FERMT3: variants seen among roughly 807,000 people sequenced by gnomAD.
FERMT3 encodes the protein FERM domain containing kindlin 3.
FERMT3 carries 33 observed loss-of-function variants against 80.8 expected under a neutral mutation model. That is an observed-to-expected ratio of 0.41 (90% CI 0.31 to 0.55). The LOEUF is 0.55. Ranked by LOEUF, FERMT3 falls within the 20% of genes least tolerant of loss-of-function variation. The pLI, the probability that FERMT3 is intolerant of heterozygous loss-of-function variation, is 0.31. For missense variants in FERMT3, 754 were observed against 908.7 expected, an observed-to-expected ratio of 0.83 and a Z score of 2.19; for synonymous variants, 375 against 372.2, an observed-to-expected ratio of 1.01 and a Z score of -0.09.
At chr11:64,208,751 G>C (rs1417879264) in intron 2 of FERMT3, among the ~76,000 whole-genome samples, 2 of 152,212 alleles carry the variant, frequency 1.3e-5, no homozygotes, top group Non-Finnish European at 2.9e-5. Flanking sequence ...GGGACTCGGA[G>C]GGCTGTGAAT....
chr11:64,211,389 T>A lies in FERMT3; in HGVS notation c.629T>A (p.Leu210His), dbSNP rs147374831. The change falls in exon 5 of 15, where the codon CTC becomes CAC. Residue 210 changes from leucine to histidine, a missense_variant. Transcript: ENST00000345728. The surrounding 1 kb of genome is among the most constrained non-coding windows in gnomAD (Gnocchi z 4.7). ...RPQPPPDPLLLQRLPRPSSLS... is the reference protein window; with the variant it reads ...RPQPPPDPLLHQRLPRPSSLS... The stretch of plus-strand genomic sequence containing the variant: ...CAGCCGCCACCCGACCCCCTCCTGC[T>A]CCAGCGTCTGCCACGGCCCAGCTCC... The A allele has an allele frequency of 6.8e-6, 11 of 1,606,870 alleles. No homozygotes were observed. Among genetic ancestry groups the A allele is most frequent in the African/African-American group, 6.7e-5 (5 of 74,538 alleles).
At position 64,211,423 on chromosome 11, in the gene FERMT3, C is replaced by G. The variant is rs773060328; in HGVS notation, c.663C>G (p.Asp221Glu). ...TGCCACGGCCCAGCTCCCTGTCAGA[C>G]AAGACCCAGCTCCACAGCAGGTGCA... ...QRLPRPSSLS[D>E]KTQLHSRWLD... The change falls in exon 5 of 15, where the codon GAC (aspartate) becomes GAG (glutamate). Residue 221 changes from aspartate to glutamate, a missense_variant. Transcript: ENST00000345728. The surrounding 1 kb of genome is among the most constrained non-coding windows in gnomAD (Gnocchi z 4.7). 10 of 1,597,860 alleles carry G rather than the reference C, an allele frequency of 6.3e-6. No individual in the cohort carries two copies. In the Admixed American group the frequency reaches 1.5e-4, roughly 25 times the overall value.
chr11:64,207,177 C>T (rs1314728149), intron 1 of FERMT3, among the ~76,000 whole-genome samples, 174 bp from the exon 2 acceptor site: 4 of 152,190 alleles, frequency 2.6e-5, no homozygotes, highest in African/African-American at 9.7e-5. Context: ...CAAGCGCCAG[C>T]GCTGGAGAGA....
chr11:64,223,496 C>T lies in FERMT3; in HGVS notation c.*4C>T, dbSNP rs377626216. 36 of 1,602,702 alleles carry T rather than the reference C, an allele frequency of 2.2e-5. No homozygotes were observed. The African/African-American group carries it at 3.0e-4, about 13-fold the overall frequency. On this transcript the variant is annotated 3_prime_UTR_variant, in exon 15 of 15. Transcript: ENST00000345728. ...CGGGGGCCATGAGGCCTTCTGAGGGCTGTCTGATTGCCCCTGCCCTGCTCA... is the reference window on the plus strand; with the variant it reads ...CGGGGGCCATGAGGCCTTCTGAGGGTTGTCTGATTGCCCCTGCCCTGCTCA...
Position 64,218,360 on chromosome 11 carries a change from A to G in FERMT3, c.787-891A>G, listed in dbSNP as rs547967713. Among the ~76,000 whole-genome samples the G allele has an allele frequency of 1.2e-4, 18 of 151,378 alleles. 1 individual carries two copies. In the South Asian group the frequency reaches 2.1e-3, roughly 18 times the overall value. ...ACTCTATCCCCCAAGCTGGAGTGCA[A>G]TGGTGCAATTACAGCTCACTGCACC... On this transcript the variant is annotated intron_variant, in intron 6 of 14. Coordinates refer to ENST00000345728, the MANE Select transcript of FERMT3 (RefSeq NM_031471.6).
At chr11:64,207,113 G>C (rs751658162) in intron 1 of FERMT3, among the ~76,000 whole-genome samples, 1 of 152,222 alleles carries the variant, frequency 6.6e-6, no homozygotes, top group Non-Finnish European at 1.5e-5. Flanking sequence ...CAGTCTGCCC[G>C]CCTGTAGGAT....
chr11:64,215,820 T>G (rs1326998365), intron 6 of FERMT3, among the ~76,000 whole-genome samples: 1 of 151,518 alleles, frequency 6.6e-6, no homozygotes, highest in Non-Finnish European at 1.5e-5. Context: ...TTCGGCTTCC[T>G]GAGAAGTTGG....
Position 64,220,230 on chromosome 11 carries a change from G to A in FERMT3, c.1215G>A (p.Val405=), listed in dbSNP as rs1946648714. 2 of 1,613,892 alleles carry A rather than the reference G, an allele frequency of 1.2e-6. No homozygotes were observed. Among genetic ancestry groups the A allele is most frequent in the East Asian group, 4.5e-5 (2 of 44,880 alleles). The change falls in exon 11 of 15, where the codon GTG becomes GTA. Residue 405 remains valine, a synonymous_variant. Transcript: ENST00000345728. ...IQQLNLKGCE[V]VPDVNVSGQK... is the part of the protein sequence containing the mutation. ...CTTCTCTCCCTCCAGGCTGTGAGGT[G>A]GTTCCCGATGTTAACGTCTCCGGCC...
chr11:64,210,835 C>T lies in FERMT3; in HGVS notation c.385C>T (p.Arg129Cys), dbSNP rs1325261167. ...PLFQAVAAIC[R>C]LLSIRHPEEL... Reference sequence around the variant, plus strand: ...CTTCCAGGCTGTGGCTGCCATCTGCCGCCTCCTCAGTAAGTTGCCCGGCTG... The same window carrying T: ...CTTCCAGGCTGTGGCTGCCATCTGCTGCCTCCTCAGTAAGTTGCCCGGCTG... The change falls in exon 3 of 15, where the codon CGC (arginine) becomes TGC (cysteine). Residue 129 changes from arginine (R) to cysteine (C), a missense_variant. Physicochemically the swap from Arg to Cys is radical, Grantham distance 180. Coordinates refer to ENST00000345728, the MANE Select transcript of FERMT3 (RefSeq NM_031471.6). The surrounding 1 kb of genome is among the most constrained non-coding windows in gnomAD (Gnocchi z 4.3). The T allele has an allele frequency of 1.9e-6, 3 of 1,612,008 alleles. No homozygotes were observed. The highest frequency in any genetic ancestry group is 1.7e-5 in the Admixed American group (1 of 59,998).
At chr11:64,208,608 G>A (rs972590627) in intron 2 of FERMT3, among the ~76,000 whole-genome samples, 6 of 152,232 alleles carry the variant, frequency 3.9e-5, no homozygotes, top group South Asian at 2.1e-4. Flanking sequence ...GCTGCGTGCC[G>A]GCTGCCGCAC....
chr11:64,208,259 C>G (rs569802146), intron 2 of FERMT3, among the ~76,000 whole-genome samples: 2 of 152,148 alleles, frequency 1.3e-5, no homozygotes, highest in African/African-American at 2.4e-5. Context: ...CAGAACGGCC[C>G]GGCCACAAGA....
intron 6 of FERMT3, among the ~76,000 whole-genome samples, chr11:64,212,217 C>G (rs1032239132): frequency 5.3e-5 from 8 of 152,334 alleles, no homozygotes; most frequent in African/African-American, 1.2e-4. Context: ...GTTCACTCTT[C>G]CTCCCTTCCT....
intron 11 of FERMT3, 39 bp from the exon 12 acceptor site, chr11:64,220,397 A>G (rs771295154): frequency 6.2e-7 from 1 of 1,608,962 alleles, no homozygotes; most frequent in Non-Finnish European, 8.5e-7. Context: ...AGGAGCATCA[A>G]GCTTGGTTAG....
chr11:64,223,414 G>C lies in FERMT3; in HGVS notation c.1914G>C (p.Ser638=), dbSNP rs192928228. The change falls in exon 15 of 15, where the codon TCG becomes TCC. Residue 638 remains serine, a synonymous_variant. Transcript: ENST00000345728. ...ATATCGGGGGCTACATTTTCCTGTC[G>C]ACGCGGGAGCGGGCCCGTGGGGAGG... The part of the protein sequence containing the change: ...HEYIGGYIFL[S]TRERARGEEL... 4.5e-5 allele frequency: 72 copies of C among 1,613,630 alleles called. No homozygotes were observed. In the East Asian group the frequency reaches 1.6e-3, roughly 35 times the overall value.
chr11:64,215,925 G>A (rs146084944), intron 6 of FERMT3, among the ~76,000 whole-genome samples: 1,709 of 150,820 alleles, frequency 0.011, 35 homozygotes, highest in African/African-American at 0.04. Flanking sequence ...TCCGCCTCCC[G>A]GGTTCAAGAG....
chr11:64,220,735 T>G, intron 12 of FERMT3, 66 bp downstream of exon 12: 1 of 1,434,918 alleles, frequency 7.0e-7, no homozygotes, highest in Non-Finnish European at 9.6e-7. Flanking sequence ...CCCCTGGGTC[T>G]CCACAGAGCC....
upstream of FERMT3, among the ~76,000 whole-genome samples, chr11:64,205,954 G>A (rs893420665): frequency 1.3e-5 from 2 of 152,234 alleles, no homozygotes; most frequent in African/African-American, 2.4e-5. Context: ...TGGCGGACGT[G>A]CCTTGCTCTA....
chr11:64,212,867 C>T (rs74967370), intron 6 of FERMT3, among the ~76,000 whole-genome samples: 9,180 of 152,060 alleles, frequency 0.06, 371 homozygotes, highest in Middle Eastern at 0.15. Context: ...AGATGTCTCT[C>T]TCCTAAGCTT....
Position 64,223,047 on chromosome 11 carries a change from G to C in FERMT3, c.1671-1G>C. The C allele has an allele frequency of 6.2e-7, 1 of 1,613,506 alleles. No individual in the cohort carries two copies. The highest frequency in any genetic ancestry group is 8.5e-7 in the Non-Finnish European group (1 of 1,180,030). ...GCTCACTCTCTCTCCCTGGGGGCCA[G>C]GTTCAAGGGCAGCAGGAAAGACGAG... On this transcript the variant is annotated splice_acceptor_variant, in intron 13 of 14. Coordinates refer to ENST00000345728, the MANE Select transcript of FERMT3 (RefSeq NM_031471.6). LOFTEE classifies it high-confidence loss of function.
Sources: allele counts gnomAD v4.1 joint callset (sites outside exome capture counted in the v4.1 genomes callset), GRCh38; gene constraint gnomAD v4.1.1; non-coding constraint Gnocchi (gnomAD v3.1); transcripts MANE v1.5; gene names NCBI Gene and HGNC (gene_info 2026-07-23, HGNC 2026-07-21).